RNF180: variants seen among roughly 807,000 people sequenced by gnomAD.
RNF180 encodes ring finger protein 180.
In RNF180, 38 loss-of-function variants were observed where a neutral mutation model predicts 59.2. The observed-to-expected ratio is 0.64, with a 90% CI of 0.50 to 0.84. The LOEUF (loss-of-function observed/expected upper bound fraction) is 0.84. RNF180 is among the 40% of genes least tolerant of loss of function. The probability of loss-of-function intolerance (pLI) is 0.00; values close to 1 mark genes in which losing one functional copy is unlikely to be tolerated. For missense variants in RNF180, 705 were observed against 700.9 expected (o/e 1.01, Z -0.07); for synonymous variants, 262 against 240.3 (o/e 1.09, Z -0.84).
At position 64,259,916 on chromosome 5, in the gene RNF180, C is replaced by T. The variant is rs192395136; in HGVS notation, c.1227+42520C>T. Among the ~76,000 whole-genome samples, 35 of 152,058 alleles carry T rather than the reference C, an allele frequency of 2.3e-4. No individual in the cohort carries two copies. In the East Asian group the frequency reaches 5.6e-3, roughly 24 times the overall value. On this transcript the variant is annotated intron_variant, in intron 5 of 7. Coordinates refer to ENST00000389100, the MANE Select transcript of RNF180 (RefSeq NM_001113561.2). ...ACCCTGGGCAACAAGAGCAAAACTC[C>T]GTCTCAACAACAACAACAAAAAAAT...
At chr5:64,249,008 A>G (rs1743378861) in intron 5 of RNF180, among the ~76,000 whole-genome samples, 1 of 152,206 alleles carries the variant, frequency 6.6e-6, no homozygotes, top group Non-Finnish European at 1.5e-5. Flanking sequence ...ACAGGAATAG[A>G]AAACCAAACA....
chr5:64,324,898 A>G (rs1744558662), intron 5 of RNF180, among the ~76,000 whole-genome samples: 2 of 152,168 alleles, frequency 1.3e-5, no homozygotes, highest in African/African-American at 2.4e-5. Flanking sequence ...TGGTACACCT[A>G]ACACCTATCT....
At chr5:64,180,038 G>A (rs1436250753) in intron 1 of RNF180, among the ~76,000 whole-genome samples, 1 of 152,082 alleles carries the variant, frequency 6.6e-6, no homozygotes, top group East Asian at 1.9e-4. Flanking sequence ...CCTCCTCTAG[G>A]AACTGCACTT....
rs559087422 is a variant in RNF180 at position 64,372,714 on chromosome 5, A to C, written c.*2900A>C. 6 of 151,994 alleles carry C rather than the reference A, an allele frequency of 3.9e-5. 1 individual carries two copies. The South Asian group carries it at 1.2e-3, about 32-fold the overall frequency. 9.4% of individuals were successfully genotyped at this position (151,994 alleles called of 1,614,324 possible). On this transcript the variant is annotated 3_prime_UTR_variant, in exon 8 of 8. Coordinates refer to ENST00000389100, the MANE Select transcript of RNF180 (RefSeq NM_001113561.2). Reference sequence around the variant, plus strand: ...AGAATTCTGTAGTTGAAGCCAGAAAACACTGTCATTTAGGAAAGTGTTCCT... The same window carrying C: ...AGAATTCTGTAGTTGAAGCCAGAAACCACTGTCATTTAGGAAAGTGTTCCT...
At chr5:64,192,628 C>G (rs189616191) in intron 1 of RNF180, among the ~76,000 whole-genome samples, 2 of 151,806 alleles carry the variant, frequency 1.3e-5, no homozygotes, top group Non-Finnish European at 1.5e-5. Context: ...GCCGAGATCG[C>G]GCCACTGCAC....
chr5:64,256,560 T>G (rs954577974), intron 5 of RNF180, among the ~76,000 whole-genome samples: 2 of 152,214 alleles, frequency 1.3e-5, no homozygotes, highest in African/African-American at 4.8e-5. Flanking sequence ...CATTGGTCTA[T>G]ATCTCTGTTT....
intron 5 of RNF180, among the ~76,000 whole-genome samples, chr5:64,268,292 A>G (rs1657695316): frequency 6.6e-6 from 1 of 152,180 alleles, no homozygotes; most frequent in Non-Finnish European, 1.5e-5. Flanking sequence ...TAGTAACTAC[A>G]TTACTACAAT....
At chr5:64,243,345 T>C (rs1388034940) in intron 5 of RNF180, among the ~76,000 whole-genome samples, 1 of 152,182 alleles carries the variant, frequency 6.6e-6, no homozygotes, top group South Asian at 2.1e-4. Flanking sequence ...CTCAAAATTA[T>C]TGCTGCCAGC....
chr5:64,210,414 A>C (rs1162432092), intron 2 of RNF180, among the ~76,000 whole-genome samples: 1 of 152,104 alleles, frequency 6.6e-6, no homozygotes, highest in East Asian at 1.9e-4. Context: ...TAGAATAATT[A>C]AAGTTTGGAA....
intron 2 of RNF180, among the ~76,000 whole-genome samples, chr5:64,205,606 A>G (rs1040884174): frequency 3.3e-5 from 5 of 152,170 alleles, no homozygotes; most frequent in African/African-American, 4.8e-5. Flanking sequence ...GCTCGGTTCT[A>G]TGGATGTGGG....
At chr5:64,237,646 G>A (rs1742522800) in intron 5 of RNF180, among the ~76,000 whole-genome samples, 1 of 152,066 alleles carries the variant, frequency 6.6e-6, no homozygotes, top group Non-Finnish European at 1.5e-5. Flanking sequence ...ATATGGTTTG[G>A]CCGTGTGTCC....
intron 1 of RNF180, among the ~76,000 whole-genome samples, chr5:64,174,723 C>T (rs900799376): frequency 3.9e-5 from 6 of 152,048 alleles, no homozygotes; most frequent in South Asian, 2.1e-4. Context: ...GCATAGTTTG[C>T]GAATATTTTT....
At chr5:64,178,749 G>T (rs535456040) in intron 1 of RNF180, among the ~76,000 whole-genome samples, 1 of 152,134 alleles carries the variant, frequency 6.6e-6, no homozygotes, top group South Asian at 2.1e-4. Context: ...AGAATACATG[G>T]AACTGTCCAC....
chr5:64,213,854 A>T lies in RNF180; in HGVS notation c.528A>T (p.Gly176=). ...LNMARNNNDP[G]RLTEALCLEV... ...TGGCCCGAAATAATAATGACCCTGG[A>T]AGATTAACAGAAGCACTCTGCCTGG... The change falls in exon 4 of 8, where the codon GGA becomes GGT. Residue 176 remains glycine (G), a synonymous_variant. Transcript: ENST00000389100. 1 of 1,614,118 alleles carries T rather than the reference A, an allele frequency of 6.2e-7. No homozygotes were observed. The highest frequency in any genetic ancestry group is 1.1e-5 in the South Asian group (1 of 91,092).
At chr5:64,369,491 G>A (rs947965615) in intron 7 of RNF180, 124 bp from the exon 8 acceptor site, 2 of 518,728 alleles carry the variant, frequency 3.9e-6, no homozygotes, top group South Asian at 1.1e-4. Flanking sequence ...AAACTGTCAG[G>A]AATACAACAT....
At chr5:64,216,657 A>C (rs996092382) in intron 4 of RNF180, among the ~76,000 whole-genome samples, 4 of 152,200 alleles carry the variant, frequency 2.6e-5, no homozygotes, top group African/African-American at 9.6e-5. Flanking sequence ...AAAGTTATTT[A>C]AATATTTGAA....
At chr5:64,287,255 G>A (rs375114890) in intron 5 of RNF180, among the ~76,000 whole-genome samples, 96 of 152,270 alleles carry the variant, frequency 6.3e-4, no homozygotes, top group South Asian at 2.7e-3. Context: ...GTGAGCCACC[G>A]TGCCTAGTCC....
intron 1 of RNF180, among the ~76,000 whole-genome samples, chr5:64,183,595 G>T (rs1179896743): frequency 6.6e-6 from 1 of 151,816 alleles, no homozygotes; most frequent in African/African-American, 2.4e-5. Flanking sequence ...TTACAGGCGT[G>T]TGCCACCACA....
intron 2 of RNF180, among the ~76,000 whole-genome samples, chr5:64,208,795 A>G (rs1398359024): frequency 1.3e-5 from 2 of 151,880 alleles, no homozygotes; most frequent in Non-Finnish European, 2.9e-5. Flanking sequence ...TTGTGAGGAG[A>G]TGAAGGTATA....
Sources: allele counts gnomAD v4.1 joint callset (sites outside exome capture counted in the v4.1 genomes callset), GRCh38; gene constraint gnomAD v4.1.1; transcripts MANE v1.5; gene names NCBI Gene and HGNC (gene_info 2026-07-23, HGNC 2026-07-21).